The following NEK7 variants were observed in gnomAD, a reference collection of about 807,000 sequenced individuals.
NEK7 encodes NIMA related kinase 7.
Under a neutral mutation model 44.6 loss-of-function variants are expected in NEK7, and 18 were observed. That is an observed-to-expected ratio of 0.40 (90% CI 0.28 to 0.60). The LOEUF is 0.60. Ranked by LOEUF, NEK7 falls within the 20% of genes least tolerant of loss-of-function variation. NEK7 has a pLI of 0.38. For missense variants in NEK7, 256 were observed against 366.5 expected, an observed-to-expected ratio of 0.70 and a Z score of 2.46; for synonymous variants, 130 against 121.1, an observed-to-expected ratio of 1.07 and a Z score of -0.48.
chr1:198,198,946 A>G (rs1665329528), intron 1 of NEK7, among the ~76,000 whole-genome samples: 1 of 152,218 alleles, frequency 6.6e-6, no homozygotes, highest in African/African-American at 2.4e-5. Flanking sequence ...GAAAGTTTTA[A>G]TAATTGCACT....
intron 1 of NEK7, among the ~76,000 whole-genome samples, chr1:198,223,752 A>G (rs1311481525): frequency 6.6e-6 from 1 of 152,224 alleles, no homozygotes; most frequent in Non-Finnish European, 1.5e-5. Flanking sequence ...TGTATTCATC[A>G]GTATGACCTT....
chr1:198,298,437 T>C (rs1654776462), intron 9 of NEK7, among the ~76,000 whole-genome samples: 1 of 152,228 alleles, frequency 6.6e-6, no homozygotes, highest in Non-Finnish European at 1.5e-5. Flanking sequence ...CCTGTTTTTT[T>C]CTGCATAGCA....
intron 9 of NEK7, among the ~76,000 whole-genome samples, chr1:198,303,608 G>T (rs187873050): frequency 6.6e-6 from 1 of 151,926 alleles, no homozygotes; most frequent in African/African-American, 2.4e-5. Flanking sequence ...GTTTGTAATT[G>T]CTAGATTTAC....
intron 1 of NEK7, among the ~76,000 whole-genome samples, chr1:198,200,882 C>T (rs924710746): frequency 1.3e-5 from 2 of 152,112 alleles, no homozygotes; most frequent in African/African-American, 2.4e-5. Flanking sequence ...AGTTTTGTCT[C>T]CCTAGCACTG....
intron 9 of NEK7, among the ~76,000 whole-genome samples, chr1:198,305,203 C>T (rs920777472): frequency 1.3e-5 from 2 of 152,080 alleles, no homozygotes; most frequent in African/African-American, 4.8e-5. Context: ...CTAACTCCCT[C>T]AATTCCAGGA....
At chr1:198,275,511 T>A (rs16842660) in intron 5 of NEK7, among the ~76,000 whole-genome samples, 11,170 of 151,026 alleles carry the variant, frequency 0.074, 517 homozygotes, top group East Asian at 0.17. Context: ...TTTTTTTTTT[T>A]AATCAGAGCT....
chr1:198,157,664 T>G (rs1192765106), intron 1 of NEK7, among the ~76,000 whole-genome samples: 1 of 152,198 alleles, frequency 6.6e-6, no homozygotes, highest in East Asian at 1.9e-4. Context: ...CGGTTATTTA[T>G]CTCTCGCGGA....
chr1:198,180,588 T>G (rs947569167), intron 1 of NEK7, among the ~76,000 whole-genome samples: 1 of 152,084 alleles, frequency 6.6e-6, no homozygotes, highest in African/African-American at 2.4e-5. Context: ...TTTCCCCCTT[T>G]GGGTACAACA....
At chr1:198,202,459 C>T (rs1206980991) in intron 1 of NEK7, among the ~76,000 whole-genome samples, 1 of 152,166 alleles carries the variant, frequency 6.6e-6, no homozygotes, top group East Asian at 1.9e-4. Flanking sequence ...TATGCACAGC[C>T]TCTCAGGCAG....
chr1:198,285,572 A>G (rs2102993872), intron 7 of NEK7, among the ~76,000 whole-genome samples: 1 of 152,156 alleles, frequency 6.6e-6, no homozygotes. Flanking sequence ...CATGAGGGGA[A>G]GAGAGCATGG....
chr1:198,245,311 T>C (rs368184361), intron 2 of NEK7: 32 of 169,386 alleles, frequency 1.9e-4, no homozygotes, highest in African/African-American at 7.0e-4. Context: ...GTCAATTGTA[T>C]AAACGAGTAA....
intron 1 of NEK7, among the ~76,000 whole-genome samples, chr1:198,202,200 C>T (rs1345710094): frequency 6.6e-6 from 1 of 151,966 alleles, no homozygotes; most frequent in Non-Finnish European, 1.5e-5. Flanking sequence ...TTTAAATGTT[C>T]ACAGGCATCA....
chr1:198,208,940 G>A (rs12239202), intron 1 of NEK7, among the ~76,000 whole-genome samples: 30,089 of 151,558 alleles, frequency 0.2, 3,569 homozygotes, highest in African/African-American at 0.32. Context: ...TGTTGGGTTC[G>A]CTTTTCTTGG....
intron 9 of NEK7, among the ~76,000 whole-genome samples, chr1:198,309,850 A>G (rs534057668): frequency 1.3e-5 from 2 of 152,282 alleles, no homozygotes; most frequent in East Asian, 3.9e-4. Context: ...TCATTGTTGG[A>G]CATTTGGGTT....
intron 9 of NEK7, among the ~76,000 whole-genome samples, chr1:198,298,702 T>C (rs946792646): frequency 6.8e-4 from 103 of 152,208 alleles, no homozygotes; most frequent in Non-Finnish European, 3.4e-4. Context: ...TGCTGTCTTC[T>C]TTTTTCCATG....
intron 1 of NEK7, among the ~76,000 whole-genome samples, chr1:198,214,085 CAAG>C (rs1441787010): frequency 6.6e-6 from 1 of 152,078 alleles, no homozygotes; most frequent in Non-Finnish European, 1.5e-5. Context: ...TCTCTGTAAC[CAAG>C]GAATTCACAC....
At position 198,320,254 on chromosome 1, in the gene NEK7, GATA is replaced by G. The variant is rs1325691836; in HGVS notation, c.*738_*740del. 1 of 152,096 alleles carries G rather than the reference GATA, an allele frequency of 6.6e-6. No individual in the cohort carries two copies. Among genetic ancestry groups the G allele is most frequent in the Non-Finnish European group, 1.5e-5 (1 of 67,970 alleles). 9.4% of individuals were successfully genotyped at this position (152,096 alleles called of 1,614,324 possible). ...GGTTAAGGATTTGTTTAGCTGGTGT[GATA>G]ATAATTTTTAAAGTTGCACATTGCC... On this transcript the variant is annotated 3_prime_UTR_variant, in exon 10 of 10. Coordinates refer to ENST00000367385, the MANE Select transcript of NEK7 (RefSeq NM_133494.3).
intron 1 of NEK7, among the ~76,000 whole-genome samples, chr1:198,204,303 A>G (rs1220995787): frequency 2.0e-5 from 3 of 152,212 alleles, no homozygotes; most frequent in African/African-American, 2.4e-5. Flanking sequence ...AGAGCAAGTC[A>G]TAACACTTAT....
chr1:198,194,870 T>C (rs897764943), intron 1 of NEK7, among the ~76,000 whole-genome samples: 2 of 152,208 alleles, frequency 1.3e-5, no homozygotes, highest in African/African-American at 4.8e-5. Context: ...ATTTTTGTTT[T>C]TAGGTTTGAA....
Sources: gnomAD v4.1 joint callset for allele counts (sites outside exome capture counted in the v4.1 genomes callset) on GRCh38, gnomAD v4.1.1 for gene constraint, MANE v1.5 for transcripts, NCBI Gene and HGNC (gene_info 2026-07-23, HGNC 2026-07-21) for gene names.